Variants in FAR1 observed in about 807,000 individuals in gnomAD.
FAR1 encodes the protein fatty acyl-CoA reductase 1, also known as male sterility domain-containing protein 2.
Under a neutral mutation model 61.1 loss-of-function variants are expected in FAR1, and 22 were observed. The ratio of observed to expected loss-of-function variants is 0.36; its 90% CI spans 0.26 to 0.51. FAR1 has a LOEUF of 0.51. Among genes scored for constraint, FAR1 ranks in the 20% least tolerant of loss-of-function variants. FAR1 has a pLI of 0.95. For missense variants in FAR1, 359 were observed against 626.9 expected (o/e 0.57, Z 4.56); for synonymous variants, 206 against 209.7 (o/e 0.98, Z 0.15).
intron 3 of FAR1, among the ~76,000 whole-genome samples, chr11:13,707,400 ATCT>A (rs1310054060): frequency 4.6e-5 from 7 of 152,160 alleles, no homozygotes; most frequent in Non-Finnish European, 1.5e-5. Flanking sequence ...GAAAATAAAC[ATCT>A]TCTTTCTTGA....
chr11:13,697,352 C>T (rs2134181813), intron 2 of FAR1, among the ~76,000 whole-genome samples: 1 of 152,048 alleles, frequency 6.6e-6, no homozygotes, highest in African/African-American at 2.4e-5. Context: ...GTCCCAGCTA[C>T]TCGGGAGGCT....
intron 1 of FAR1, among the ~76,000 whole-genome samples, chr11:13,673,078 CT>C (rs1372122885): frequency 3.9e-5 from 6 of 152,190 alleles, no homozygotes; most frequent in African/African-American, 1.4e-4. Context: ...AACTTAAACA[CT>C]TATAAATTCA....
In FAR1 at chr11:13,728,977, A is replaced by G. The variant is rs1182839617; in HGVS notation, c.*203A>G. 2 of 444,272 alleles carry G rather than the reference A, an allele frequency of 4.5e-6. No individual in the cohort carries two copies. Among genetic ancestry groups the G allele is most frequent in the Non-Finnish European group, 8.0e-6 (2 of 249,390 alleles). 27.5% of individuals were successfully genotyped at this position (444,272 alleles called of 1,614,324 possible). A position where few individuals can be genotyped will look rare whatever the true frequency, so the allele number is the denominator to read the frequency against. ...GAACACACTGTGTTATGCCAGCTCAAATCTACAGTAGCCACCAAAACCATG... is the reference window on the plus strand; with the variant it reads ...GAACACACTGTGTTATGCCAGCTCAGATCTACAGTAGCCACCAAAACCATG... On this transcript the variant is annotated 3_prime_UTR_variant, in exon 12 of 12. Transcript: ENST00000354817.
At chr11:13,682,152 C>T (rs754081330) in intron 1 of FAR1, among the ~76,000 whole-genome samples, 2 of 152,182 alleles carry the variant, frequency 1.3e-5, no homozygotes, top group African/African-American at 4.8e-5. Flanking sequence ...ATTTCTGAAG[C>T]CTGGCATTAA....
rs1848712353 is a variant in FAR1, at chr11:13,730,465, T to C, written c.*1691T>C. On this transcript the variant is annotated 3_prime_UTR_variant, in exon 12 of 12. Coordinates refer to ENST00000354817, the MANE Select transcript of FAR1 (RefSeq NM_032228.6). ...TACTAAAGTCTCTGGTCTAGGACCA[T>C]ACCTTATATAAAGGTATAAGAGACC... 2 of 152,284 alleles carry C rather than the reference T, an allele frequency of 1.3e-5. No individual in the cohort carries two copies. Among genetic ancestry groups the C allele is most frequent in the Non-Finnish European group, 2.9e-5 (2 of 67,942 alleles). The allele number at this position is 152,284 out of a possible 1,614,324, so 9.4% of individuals were successfully genotyped here.
chr11:13,682,032 G>C (rs968285522), intron 1 of FAR1, among the ~76,000 whole-genome samples: 2 of 152,094 alleles, frequency 1.3e-5, no homozygotes, highest in Non-Finnish European at 2.9e-5. Flanking sequence ...CCTCATCCCT[G>C]CATATCTTAA....
chr11:13,727,538 A>C lies in FAR1; in HGVS notation c.1258-18A>C. On this transcript the variant is annotated intron_variant, in intron 10 of 11. Transcript: ENST00000354817. ...AAATTAGTCAAGAAAATAATCAGTA[A>C]TTTTTTTGTTAACGTAGACCTTCAA... 1 of 1,568,248 alleles carries C rather than the reference A, an allele frequency of 6.4e-7. No homozygotes were observed. The highest frequency in any genetic ancestry group is 8.6e-7 in the Non-Finnish European group (1 of 1,160,818).
At chr11:13,720,027 A>G (rs1279778149) in intron 9 of FAR1, 2 of 152,320 alleles carry the variant, frequency 1.3e-5, no homozygotes, top group African/African-American at 2.4e-5. Context: ...TTATTCCCCA[A>G]TAGTTTTCAA....
At chr11:13,714,377 AGTTT>A (rs1405315539) in intron 8 of FAR1, 128 bp from the exon 9 acceptor site, 3 of 819,694 alleles carry the variant, frequency 3.7e-6, no homozygotes, top group East Asian at 2.8e-5. Flanking sequence ...AGAGTAGAAA[AGTTT>A]GTTTTTTAAA....
At chr11:13,695,793 C>G (rs1378565977) in intron 2 of FAR1, among the ~76,000 whole-genome samples, 1 of 152,118 alleles carries the variant, frequency 6.6e-6, no homozygotes, top group East Asian at 1.9e-4. Flanking sequence ...CTTCATATAC[C>G]TTTATAGATA....
At chr11:13,720,951 C>A (rs1565352360) in intron 9 of FAR1, 1 of 151,914 alleles carries the variant, frequency 6.6e-6, no homozygotes, top group South Asian at 2.1e-4. Context: ...TACAGTGAGC[C>A]ATGATATATA....
chr11:13,720,966 G>T (rs1358466916), intron 9 of FAR1: 1 of 152,028 alleles, frequency 6.6e-6, no homozygotes, highest in Non-Finnish European at 1.5e-5. Flanking sequence ...TATATAAAAT[G>T]ACAGATTTAA....
chr11:13,714,227 A>G (rs1317392209), intron 8 of FAR1, among the ~76,000 whole-genome samples: 2 of 152,180 alleles, frequency 1.3e-5, no homozygotes, highest in African/African-American at 4.8e-5. Flanking sequence ...GTGACACTGT[A>G]AACTGACATA....
intron 10 of FAR1, chr11:13,723,383 A>AAAACC: frequency 2.6e-6 from 1 of 388,610 alleles, no homozygotes; most frequent in South Asian, 1.9e-5. Flanking sequence ...AAAAAAAAAA[A>AAAACC]CCCCAAAAAA....
intron 1 of FAR1, among the ~76,000 whole-genome samples, chr11:13,670,413 C>G (rs1158978787): frequency 6.6e-6 from 1 of 152,160 alleles, no homozygotes; most frequent in Admixed American, 6.5e-5. Flanking sequence ...GCCTCAGCCT[C>G]TCGAGTAGTT....
chr11:13,694,956 T>C lies in FAR1; in HGVS notation c.189+2T>C. On this transcript the variant is annotated splice_donor_variant, in intron 2 of 11. Coordinates refer to ENST00000354817, the MANE Select transcript of FAR1 (RefSeq NM_032228.6). LOFTEE classifies it high-confidence loss of function. ...GTGGAAGAAGTCCTTAGTGGCAAGG[T>C]AAGTATGGAAAATGAGCACTCAGAA... 1 of 1,602,584 alleles carries C rather than the reference T, an allele frequency of 6.2e-7. No homozygotes were observed. Among genetic ancestry groups the C allele is most frequent in the Non-Finnish European group, 8.5e-7 (1 of 1,174,214 alleles).
intron 1 of FAR1, among the ~76,000 whole-genome samples, chr11:13,691,918 A>G (rs1848254330): frequency 6.6e-6 from 1 of 152,186 alleles, no homozygotes; most frequent in South Asian, 2.1e-4. Flanking sequence ...CAGTAATCCT[A>G]GCACTTTGGG....
intron 1 of FAR1, among the ~76,000 whole-genome samples, chr11:13,687,337 G>A (rs189614725): frequency 6.6e-6 from 1 of 152,310 alleles, no homozygotes; most frequent in Non-Finnish European, 1.5e-5. Flanking sequence ...GAAAATAAAT[G>A]TAAATTACCT....
At chr11:13,718,453 A>G (rs1565351536) in intron 9 of FAR1, among the ~76,000 whole-genome samples, 3 of 152,244 alleles carry the variant, frequency 2.0e-5, no homozygotes, top group Non-Finnish European at 4.4e-5. Flanking sequence ...GCCCTCACCA[A>G]CAGCTTTCTT....
Sources: allele counts gnomAD v4.1 joint callset (sites outside exome capture counted in the v4.1 genomes callset), GRCh38; gene constraint gnomAD v4.1.1; transcripts MANE v1.5; gene names NCBI Gene and HGNC (gene_info 2026-07-23, HGNC 2026-07-21).